WWOX: variants seen among roughly 807,000 people sequenced by gnomAD.
WWOX encodes WW domain containing oxidoreductase.
Under a neutral mutation model 46.2 loss-of-function variants are expected in WWOX, and 69 were observed. The observed-to-expected ratio is 1.49, with a 90% CI of 1.23 to 1.82. WWOX has a LOEUF of 1.82. Ranked by LOEUF, WWOX falls within the 40% of genes most tolerant of loss-of-function variation. WWOX has a pLI of 0.00. For missense variants in WWOX, 919 were observed against 542.6 expected, an observed-to-expected ratio of 1.69 and a Z score of -6.89; for synonymous variants, 359 against 202.6, an observed-to-expected ratio of 1.77 and a Z score of -6.56.
chr16:79,074,910 C>A (rs535514441), intron 8 of WWOX, among the ~76,000 whole-genome samples: 1 of 151,878 alleles, frequency 6.6e-6, no homozygotes, highest in African/African-American at 2.4e-5. Flanking sequence ...AAACGTTTTG[C>A]CAAAGTGTAG....
chr16:78,208,844 A>G (rs2036473314), intron 5 of WWOX, among the ~76,000 whole-genome samples: 1 of 152,220 alleles, frequency 6.6e-6, no homozygotes, highest in South Asian at 2.1e-4. Context: ...TGACTAGTTA[A>G]TTACTATAAA....
At chr16:78,498,505 G>A (rs1208052735) in intron 8 of WWOX, among the ~76,000 whole-genome samples, 2 of 152,266 alleles carry the variant, frequency 1.3e-5, no homozygotes, top group Middle Eastern at 3.4e-3. Flanking sequence ...CAAGGTGTGA[G>A]GCTATTGATG....
At chr16:78,100,407 T>A (rs2031694228) in intron 1 of WWOX, among the ~76,000 whole-genome samples, 1 of 152,136 alleles carries the variant, frequency 6.6e-6, no homozygotes, top group South Asian at 2.1e-4. Context: ...CGTGCACTAC[T>A]ATGCCCGACT....
intron 5 of WWOX, among the ~76,000 whole-genome samples, chr16:78,266,318 T>C (rs569060928): frequency 6.6e-6 from 1 of 152,348 alleles, no homozygotes; most frequent in South Asian, 2.1e-4. Context: ...TGAAGTAGTT[T>C]TATTGGAACA....
intron 5 of WWOX, among the ~76,000 whole-genome samples, chr16:78,283,765 A>G (rs938623919): frequency 1.3e-5 from 2 of 152,194 alleles, no homozygotes; most frequent in Non-Finnish European, 2.9e-5. Flanking sequence ...TAGTGACAAC[A>G]GTGGGTTGAG....
intron 8 of WWOX, among the ~76,000 whole-genome samples, chr16:78,606,727 T>G (rs1049346642): frequency 4.7e-5 from 7 of 149,012 alleles, no homozygotes; most frequent in East Asian, 2.0e-4. Context: ...AGTTTTTTTT[T>G]TTTTTTTTTT....
intron 5 of WWOX, among the ~76,000 whole-genome samples, chr16:78,339,516 C>T (rs544075404): frequency 1.7e-5 from 2 of 119,506 alleles, no homozygotes; most frequent in East Asian, 1.9e-4. Flanking sequence ...TTACCTGTAC[C>T]CGGAGTTGGA....
intron 8 of WWOX, among the ~76,000 whole-genome samples, chr16:79,041,170 G>A (rs898294540): frequency 1.3e-5 from 2 of 152,098 alleles, no homozygotes; most frequent in Non-Finnish European, 2.9e-5. Flanking sequence ...TGACCCCATG[G>A]TCTTGCCCCA....
intron 8 of WWOX, among the ~76,000 whole-genome samples, chr16:78,508,768 CA>C (rs1474472447): frequency 1.3e-5 from 2 of 152,214 alleles, no homozygotes; most frequent in Non-Finnish European, 2.9e-5. Context: ...ACTATGCCTG[CA>C]GCCGATGTCT....
intron 5 of WWOX, among the ~76,000 whole-genome samples, chr16:78,196,650 C>G (rs2036062032): frequency 6.6e-6 from 1 of 152,142 alleles, no homozygotes; most frequent in Non-Finnish European, 1.5e-5. Flanking sequence ...AACCTTGTCT[C>G]CACTGAGACT....
intron 8 of WWOX, among the ~76,000 whole-genome samples, chr16:78,848,352 C>G (rs969334225): frequency 5.3e-5 from 8 of 152,204 alleles, no homozygotes; most frequent in African/African-American, 1.9e-4. Context: ...GACAGTCTAA[C>G]TAAATGCACT....
chr16:78,355,609 A>G (rs1014479994), intron 5 of WWOX: 1 of 560,436 alleles, frequency 1.8e-6, no homozygotes, highest in South Asian at 1.5e-5. Context: ...CAGAGGAGCG[A>G]ATTTGTGTGA....
chr16:78,234,970 G>A (rs973716746), intron 5 of WWOX, among the ~76,000 whole-genome samples: 1 of 151,760 alleles, frequency 6.6e-6, no homozygotes, highest in African/African-American at 2.4e-5. Flanking sequence ...TTTCTTTCTG[G>A]GTGGTCTTGA....
At chr16:78,198,959 T>A (rs1269379449) in intron 5 of WWOX, among the ~76,000 whole-genome samples, 1 of 152,138 alleles carries the variant, frequency 6.6e-6, no homozygotes. Flanking sequence ...CTCTACCTCT[T>A]CTTTTCCCCT....
chr16:78,740,402 G>C (rs1217507824), intron 8 of WWOX, among the ~76,000 whole-genome samples: 1 of 152,176 alleles, frequency 6.6e-6, no homozygotes, highest in Non-Finnish European at 1.5e-5. Flanking sequence ...CTGCTAATAG[G>C]GTTGGCAGCG....
At chr16:78,811,266 G>A (rs892644001) in intron 8 of WWOX, among the ~76,000 whole-genome samples, 4 of 152,168 alleles carry the variant, frequency 2.6e-5, no homozygotes, top group African/African-American at 4.8e-5. Flanking sequence ...CAATTGCTGA[G>A]TAATTGATGA....
Position 78,312,676 on chromosome 16 carries a change from G to C in WWOX, c.517-74184G>C, listed in dbSNP as rs894948070. On this transcript the variant is annotated intron_variant, in intron 5 of 8. Coordinates refer to ENST00000566780, the MANE Select transcript of WWOX (RefSeq NM_016373.4). ...AGGCATGAGCCACTGTGCCTGGCTG[G>C]TTGTAGGCCTAATTCTAGCAATCTC... Among the ~76,000 whole-genome samples the C allele has an allele frequency of 2.0e-5, 3 of 152,256 alleles. No homozygotes were observed. The South Asian group carries it at 6.2e-4, about 32-fold the overall frequency.
intron 5 of WWOX, among the ~76,000 whole-genome samples, chr16:78,361,850 G>A (rs1270827749): frequency 1.3e-5 from 2 of 151,954 alleles, no homozygotes; most frequent in Non-Finnish European, 2.9e-5. Flanking sequence ...CTTCTCTGGT[G>A]ATCCTCCCAC....
intron 8 of WWOX, chr16:79,206,659 A>AC (rs2150846620): frequency 6.6e-6 from 1 of 152,246 alleles, no homozygotes; most frequent in South Asian, 2.1e-4. Context: ...TGGAGTAGAC[A>AC]TCTCTGTTCT....
Sources: gnomAD v4.1 joint callset for allele counts (sites outside exome capture counted in the v4.1 genomes callset) on GRCh38, gnomAD v4.1.1 for gene constraint, MANE v1.5 for transcripts, NCBI Gene and HGNC (gene_info 2026-07-23, HGNC 2026-07-21) for gene names.